SNX30: variants seen among roughly 807,000 people sequenced by gnomAD.
SNX30 encodes the protein sorting nexin family member 30.
Under a neutral mutation model 46.4 loss-of-function variants are expected in SNX30, and 24 were observed. The ratio of observed to expected loss-of-function variants is 0.52; its 90% CI spans 0.37 to 0.73. The LOEUF (loss-of-function observed/expected upper bound fraction) is 0.73, where lower values mean the gene tolerates loss of function less well. Ranked by LOEUF, SNX30 falls within the 30% of genes least tolerant of loss-of-function variation. The pLI is 0.00. For missense variants in SNX30, 533 were observed against 555.7 expected (o/e 0.96, Z 0.41); for synonymous variants, 189 against 211.5 (o/e 0.89, Z 0.92).
intron 7 of SNX30, among the ~76,000 whole-genome samples, chr9:112,856,286 GA>G (rs1841125819): frequency 6.8e-6 from 1 of 147,434 alleles, no homozygotes; most frequent in Admixed American, 6.8e-5. Flanking sequence ...GTGTGGAGGG[GA>G]CCTGGGGTGT....
chr9:112,812,310 T>C (rs2131413382), intron 2 of SNX30, among the ~76,000 whole-genome samples: 1 of 152,242 alleles, frequency 6.6e-6, no homozygotes, highest in African/African-American at 2.4e-5. Context: ...GGCTGGAGTG[T>C]AGTGATGCGA....
At position 112,850,931 on chromosome 9, in the gene SNX30, G is replaced by A. The variant is rs1841014276; in HGVS notation, c.1087G>A (p.Glu363Lys). The change falls in exon 7 of 9, where the codon GAA (glutamate) becomes AAA (lysine). Residue 363 changes from glutamate (E) to lysine (K), a missense_variant. Around this residue, in one of 3 missense-constraint regions of SNX30, gnomAD observed 261 missense variants for 270.9 expected, o/e 0.96. Coordinates refer to ENST00000374232, the MANE Select transcript of SNX30 (RefSeq NM_001012994.2). ...ACTGGAAGCTGTGGCTCTGCGGAAG[G>A]AAGACCGCCCCAAGGTCAGGGAAGC... ...AKLEAVALRKEDRPKVPADVE... is the reference protein window; with the variant it reads ...AKLEAVALRKKDRPKVPADVE... The A allele has an allele frequency of 1.2e-6, 2 of 1,613,926 alleles. No homozygotes were observed. Among genetic ancestry groups the A allele is most frequent in the East Asian group, 4.5e-5 (2 of 44,884 alleles).
chr9:112,882,600 G>C (rs938818132), downstream of SNX30, among the ~76,000 whole-genome samples: 1 of 152,168 alleles, frequency 6.6e-6, no homozygotes, highest in Non-Finnish European at 1.5e-5. Context: ...CTCTGGATTA[G>C]GGGGTAGCAG....
At chr9:112,804,424 C>T (rs1840191835) in intron 1 of SNX30, among the ~76,000 whole-genome samples, 1 of 152,212 alleles carries the variant, frequency 6.6e-6, no homozygotes, top group African/African-American at 2.4e-5. Context: ...CTCGGCCTCC[C>T]AAAGTGCTGG....
chr9:112,785,189 C>T (rs1256907222), intron 1 of SNX30, among the ~76,000 whole-genome samples: 1 of 152,068 alleles, frequency 6.6e-6, no homozygotes, highest in Non-Finnish European at 1.5e-5. Context: ...TTGCTTACAA[C>T]ACATTTAACT....
intron 1 of SNX30, among the ~76,000 whole-genome samples, chr9:112,770,988 C>G (rs550178337): frequency 6.6e-6 from 1 of 152,320 alleles, no homozygotes; most frequent in Non-Finnish European, 1.5e-5. Flanking sequence ...GAGTGAGACT[C>G]TGTGTCAAAA....
chr9:112,786,117 CTTTTT>C (rs140987500), intron 1 of SNX30, among the ~76,000 whole-genome samples: 4 of 130,152 alleles, frequency 3.1e-5, no homozygotes, highest in Non-Finnish European at 3.3e-5. Context: ...AGGAGCTGTC[CTTTTT>C]TTTTTTTTTT....
Position 112,868,958 on chromosome 9 carries a change from T to G in SNX30, c.*115T>G. The G allele has an allele frequency of 2.9e-6, 3 of 1,029,084 alleles. No homozygotes were observed. Among genetic ancestry groups the G allele is most frequent in the Non-Finnish European group, 4.6e-6 (3 of 659,190 alleles). 63.7% of individuals were successfully genotyped at this position (1,029,084 alleles called of 1,614,324 possible). A position where few individuals can be genotyped will look rare whatever the true frequency, so the allele number is the denominator to read the frequency against. On this transcript the variant is annotated 3_prime_UTR_variant, in exon 9 of 9. Coordinates refer to ENST00000374232, the MANE Select transcript of SNX30 (RefSeq NM_001012994.2). ...GGGAAAACAACCACAGAAACATCTCTCCTTTGTGTATTTTTCCCTCCCCCA... is the reference window on the plus strand; with the variant it reads ...GGGAAAACAACCACAGAAACATCTCGCCTTTGTGTATTTTTCCCTCCCCCA...
Position 112,849,165 on chromosome 9 carries a change from A to G in SNX30, c.1015-1694A>G, listed in dbSNP as rs148668736. 1.3e-3 allele frequency among the ~76,000 whole-genome samples: 196 copies of G among 152,308 alleles called. 1 individual carries two copies. Among genetic ancestry groups the G allele is most frequent in the African/African-American group, 4.4e-3 (184 of 41,564 alleles). ...CCTGCTGTTCCATTGCACCTTGGGG[A>G]ACCACATTTGCACGTCCATGGAGAA... is the stretch of plus-strand genomic sequence containing the variant. On this transcript the variant is annotated intron_variant, in intron 6 of 8. Coordinates refer to ENST00000374232, the MANE Select transcript of SNX30 (RefSeq NM_001012994.2).
intron 5 of SNX30, among the ~76,000 whole-genome samples, chr9:112,837,193 G>A (rs911643144): frequency 3.9e-5 from 6 of 151,990 alleles, no homozygotes; most frequent in Admixed American, 2.0e-4. Flanking sequence ...TTTTCTTTAC[G>A]GGGGAAAAAA....
intron 7 of SNX30, chr9:112,856,642 A>G (rs1440867927): frequency 2.0e-5 from 3 of 152,100 alleles, no homozygotes; most frequent in African/African-American, 7.3e-5. Flanking sequence ...GACAGCTCTT[A>G]GAACCACCGG....
At chr9:112,824,000 A>G (rs1009751448) in intron 3 of SNX30, among the ~76,000 whole-genome samples, 1 of 152,202 alleles carries the variant, frequency 6.6e-6, no homozygotes. Context: ...CGACAAGGGT[A>G]GGAGAAATAG....
intron 3 of SNX30, among the ~76,000 whole-genome samples, chr9:112,825,405 C>T (rs1259821191): frequency 6.6e-6 from 1 of 152,084 alleles, no homozygotes; most frequent in African/African-American, 2.4e-5. Context: ...AGCAATCCTC[C>T]CACCTCAGCC....
chr9:112,784,168 A>G (rs764736012), intron 1 of SNX30, among the ~76,000 whole-genome samples: 3 of 152,108 alleles, frequency 2.0e-5, no homozygotes, highest in Non-Finnish European at 4.4e-5. Context: ...AGCATTGACA[A>G]CACCTCTCAT....
At chr9:112,775,718 C>T (rs1470340753) in intron 1 of SNX30, among the ~76,000 whole-genome samples, 1 of 151,346 alleles carries the variant, frequency 6.6e-6, no homozygotes. Context: ...CCAGTGTTAC[C>T]AATTTATGGG....
intron 6 of SNX30, among the ~76,000 whole-genome samples, chr9:112,839,693 T>A (rs1461432152): frequency 1.3e-5 from 2 of 152,202 alleles, no homozygotes; most frequent in Non-Finnish European, 2.9e-5. Context: ...GTGTTGAACA[T>A]TCCCACCTCT....
intron 1 of SNX30, among the ~76,000 whole-genome samples, chr9:112,781,631 A>T (rs1839848278): frequency 6.6e-6 from 1 of 151,794 alleles, no homozygotes; most frequent in Non-Finnish European, 1.5e-5. Flanking sequence ...GTTTAATTTT[A>T]TTAAAACTTT....
At chr9:112,777,068 T>G (rs1839758861) in intron 1 of SNX30, among the ~76,000 whole-genome samples, 1 of 152,124 alleles carries the variant, frequency 6.6e-6, no homozygotes, top group Admixed American at 6.5e-5. Context: ...CTTCCCAGAT[T>G]TAGCATTTCC....
intron 1 of SNX30, among the ~76,000 whole-genome samples, chr9:112,761,632 G>A (rs1369638443): frequency 6.6e-6 from 1 of 152,162 alleles, no homozygotes; most frequent in Non-Finnish European, 1.5e-5. Flanking sequence ...TAGTGGGGGT[G>A]ACTGACTAGA....
Sources: allele counts gnomAD v4.1 joint callset (sites outside exome capture counted in the v4.1 genomes callset), GRCh38; gene constraint gnomAD v4.1.1; regional missense constraint gnomAD v4.1.1; transcripts MANE v1.5; gene names NCBI Gene and HGNC (gene_info 2026-07-23, HGNC 2026-07-21).